Variants in PPP2R1B observed in about 807,000 individuals in gnomAD.
PPP2R1B encodes serine/threonine-protein phosphatase 2A 65 kDa regulatory subunit A beta isoform.
PPP2R1B carries 58 observed loss-of-function variants against 72.7 expected under a neutral mutation model. The observed-to-expected ratio is 0.80, with a 90% CI of 0.65 to 0.99. PPP2R1B has a LOEUF of 0.99. PPP2R1B is among the 50% of genes least tolerant of loss of function. The pLI, the probability that PPP2R1B is intolerant of heterozygous loss-of-function variation, is 0.00. For missense variants in PPP2R1B, 695 were observed against 733.6 expected (o/e 0.95, Z 0.61); for synonymous variants, 256 against 264.6 (o/e 0.97, Z 0.32).
the PPP2R1B span, among the ~76,000 whole-genome samples, chr11:111,707,194 C>T: frequency 1.3e-5 from 2 of 152,146 alleles, no homozygotes; most frequent in African/African-American, 4.8e-5. Context: ...TGGAAAGCCC[C>T]CAGGGCCAGC....
At chr11:111,710,478 CAAATATA>C in the PPP2R1B span, among the ~76,000 whole-genome samples, 1 of 152,150 alleles carries the variant, frequency 6.6e-6, no homozygotes, top group Non-Finnish European at 1.5e-5. Flanking sequence ...AGAGTATATT[CAAATATA>C]AAATATATTT....
At chr11:111,742,307 AAAT>A in intron 13 of PPP2R1B, 163 bp from the exon 14 acceptor site, 1 of 598,464 alleles carries the variant, frequency 1.7e-6, no homozygotes, top group Non-Finnish European at 2.5e-6. Context: ...ATTCTCAGCA[AAAT>A]CAGCTTCAGA....
chr11:111,716,658 C>T, the PPP2R1B span, among the ~76,000 whole-genome samples: 5 of 152,116 alleles, frequency 3.3e-5, no homozygotes, highest in Non-Finnish European at 2.9e-5. Flanking sequence ...AGGATAAAAT[C>T]GAACTCAGCA....
chr11:111,692,060 A>G, the PPP2R1B span, among the ~76,000 whole-genome samples: 2 of 152,092 alleles, frequency 1.3e-5, no homozygotes, highest in African/African-American at 4.8e-5. Context: ...AGAGAAAGAA[A>G]GAGGGAGAGG....
At chr11:111,760,050 T>A in intron 4 of PPP2R1B, 99 bp from the exon 5 acceptor site, 1 of 1,267,296 alleles carries the variant, frequency 7.9e-7, no homozygotes, top group Middle Eastern at 1.9e-4. Flanking sequence ...TATCTTACAA[T>A]AATCAGTGAC....
At chr11:111,690,591 C>T in the PPP2R1B span, among the ~76,000 whole-genome samples, 1 of 151,888 alleles carries the variant, frequency 6.6e-6, no homozygotes, top group African/African-American at 2.4e-5. Flanking sequence ...GGTATTTGTC[C>T]TAAGGCTCTC....
At chr11:111,763,640 A>G (rs1555052033) in intron 3 of PPP2R1B, among the ~76,000 whole-genome samples, 1 of 152,244 alleles carries the variant, frequency 6.6e-6, no homozygotes. Flanking sequence ...TGTGTGGAAC[A>G]AGGCACAGAG....
intron 3 of PPP2R1B, among the ~76,000 whole-genome samples, chr11:111,761,897 T>C (rs1296785474): frequency 1.3e-5 from 2 of 152,016 alleles, no homozygotes. Flanking sequence ...GAGGCAGAGG[T>C]TGCAGTGAGC....
the PPP2R1B span, among the ~76,000 whole-genome samples, chr11:111,694,545 C>G: frequency 4.0e-5 from 6 of 151,752 alleles, no homozygotes; most frequent in Non-Finnish European, 8.8e-5. Flanking sequence ...AGATTTGTCC[C>G]CTAGAACTGA....
the PPP2R1B span, chr11:111,704,951 C>T: frequency 2.0e-5 from 32 of 1,565,780 alleles, no homozygotes; most frequent in Non-Finnish European, 2.5e-5. Context: ...TTGGTCTTTA[C>T]AGTTCTTTGC....
At chr11:111,698,430 A>T in the PPP2R1B span, among the ~76,000 whole-genome samples, 42 of 152,310 alleles carry the variant, frequency 2.8e-4, no homozygotes, top group African/African-American at 9.6e-4. Flanking sequence ...TGGCTCTATA[A>T]GGGCTCCTGG....
At position 111,759,959 on chromosome 11, in the gene PPP2R1B, A is replaced by G; in HGVS notation, c.540-8T>C. The G allele has an allele frequency of 6.2e-7, 1 of 1,612,806 alleles. No individual in the cohort carries two copies. The highest frequency in any genetic ancestry group is 8.5e-7 in the Non-Finnish European group (1 of 1,179,096). On this transcript the variant is annotated splice_polypyrimidine_tract_variant and splice_region_variant and intron_variant, in intron 4 of 14. Coordinates refer to ENST00000527614, the MANE Select transcript of PPP2R1B (RefSeq NM_002716.5). ...CACAAGGAACGGAATTGCCTGCAAC[A>G]TAAAACAATGAAGGTATTTCCCATC...
At chr11:111,718,843 A>T in the PPP2R1B span, 1 of 152,254 alleles carries the variant, frequency 6.6e-6, no homozygotes, top group Non-Finnish European at 1.5e-5. Context: ...ATTGATTTCC[A>T]CGGGGGAATA....
the PPP2R1B span, among the ~76,000 whole-genome samples, chr11:111,714,484 G>A: frequency 3.9e-5 from 6 of 152,196 alleles, no homozygotes; most frequent in Non-Finnish European, 8.8e-5. Flanking sequence ...CCCCGGTGCA[G>A]GGGAGAAACT....
At chr11:111,688,239 C>T in the PPP2R1B span, 27 of 1,452,844 alleles carry the variant, frequency 1.9e-5, no homozygotes, top group South Asian at 8.3e-5. The surrounding 1 kb of genome is among the most constrained non-coding windows in gnomAD (Gnocchi z 4.2). Flanking sequence ...GACCTGCAGG[C>T]GCAGATTCAG....
At chr11:111,759,584 A>G (rs1183403653) in intron 5 of PPP2R1B, among the ~76,000 whole-genome samples, 1 of 151,944 alleles carries the variant, frequency 6.6e-6, no homozygotes, top group African/African-American at 2.4e-5. Context: ...CTGACTCCCC[A>G]CTCTTTTAAC....
chr11:111,704,263 T>C, the PPP2R1B span, among the ~76,000 whole-genome samples: 1 of 152,220 alleles, frequency 6.6e-6, no homozygotes, highest in African/African-American at 2.4e-5. Context: ...TGATTTTTGC[T>C]GAGAGTGCTC....
At chr11:111,761,074 C>A (rs782444312) in intron 3 of PPP2R1B, 23 bp from the exon 4 acceptor site, 1 of 1,586,868 alleles carries the variant, frequency 6.3e-7, no homozygotes, top group Non-Finnish European at 8.6e-7. Flanking sequence ...AAAAGGAAAA[C>A]CAGAGAAGAA....
chr11:111,712,276 C>T, the PPP2R1B span: 1 of 1,614,230 alleles, frequency 6.2e-7, no homozygotes, highest in Admixed American at 1.7e-5. Flanking sequence ...GATCTGCCCT[C>T]CTCCCCCAGG....
Sources: gnomAD v4.1 joint callset for allele counts (sites outside exome capture counted in the v4.1 genomes callset) on GRCh38, gnomAD v4.1.1 for gene constraint, Gnocchi (gnomAD v3.1) non-coding constraint, MANE v1.5 for transcripts, NCBI Gene and HGNC (gene_info 2026-07-23, HGNC 2026-07-21) for gene names.